The following SNX10 variants were observed in gnomAD, a reference collection of about 807,000 sequenced individuals.
SNX10 encodes sorting nexin-10.
A neutral mutation model predicts 28.5 loss-of-function variants in SNX10; 25 were observed. That is an observed-to-expected ratio of 0.88 (90% CI 0.64 to 1.22). SNX10 has a LOEUF of 1.22. SNX10 is among the 50% of genes most tolerant of loss of function. The pLI, the probability that SNX10 is intolerant of heterozygous loss-of-function variation, is 0.00. For missense variants in SNX10, 223 were observed against 242.6 expected (o/e 0.92, Z 0.54); for synonymous variants, 62 against 81.4 (o/e 0.76, Z 1.28).
chr7:26,310,442 GATAAATA>G (rs1425345682), intron 1 of SNX10, among the ~76,000 whole-genome samples: 1 of 152,168 alleles, frequency 6.6e-6, no homozygotes, highest in South Asian at 2.1e-4. Context: ...TAGATTAATA[GATAAATA>G]ATAAATTAAT....
intron 1 of SNX10, among the ~76,000 whole-genome samples, chr7:26,336,785 A>G (rs1458943966): frequency 1.3e-5 from 2 of 152,224 alleles, no homozygotes; most frequent in Non-Finnish European, 2.9e-5. Context: ...TATAATGGCT[A>G]TGAGGTAGTC....
In SNX10 at chr7:26,373,117, A is replaced by T. The variant is rs1789639044; in HGVS notation, c.*545A>T. The T allele has an allele frequency of 6.6e-6, 1 of 152,210 alleles. No individual in the cohort carries two copies. Among genetic ancestry groups the T allele is most frequent in the African/African-American group, 2.4e-5 (1 of 41,446 alleles). The allele number at this position is 152,210 out of a possible 1,614,324, so 9.4% of individuals were successfully genotyped here. On this transcript the variant is annotated 3_prime_UTR_variant, in exon 7 of 7. Coordinates refer to ENST00000338523, the MANE Select transcript of SNX10 (RefSeq NM_013322.3). This position sits in a 1 kb window ranked among gnomAD's most constrained non-coding sequence, Gnocchi z 4.2. ...GACTGAAATATTTTAAGAGTATTTAACCTTTCCAGTATTCTGTTTCACGCT... is the reference window on the plus strand; with the variant it reads ...GACTGAAATATTTTAAGAGTATTTATCCTTTCCAGTATTCTGTTTCACGCT...
At chr7:26,371,214 T>C (rs1789517473) in intron 5 of SNX10, among the ~76,000 whole-genome samples, 1 of 152,136 alleles carries the variant, frequency 6.6e-6, no homozygotes, top group South Asian at 2.1e-4. Flanking sequence ...ATTTGGTTGC[T>C]CATTTTGACA....
At chr7:26,325,502 C>T (rs187679995) in intron 1 of SNX10, among the ~76,000 whole-genome samples, 12 of 149,592 alleles carry the variant, frequency 8.0e-5, no homozygotes, top group Admixed American at 4.7e-4. Flanking sequence ...TTGGTTGTGA[C>T]GGGGTTTCAC....
At chr7:26,363,030 T>C (rs192321101) in intron 3 of SNX10, among the ~76,000 whole-genome samples, 4 of 152,240 alleles carry the variant, frequency 2.6e-5, no homozygotes, top group Admixed American at 2.6e-4. Context: ...TGGGATTCTT[T>C]AGGGAGAGGG....
At chr7:26,354,345 A>G (rs1788733918) in intron 2 of SNX10, among the ~76,000 whole-genome samples, 1 of 152,098 alleles carries the variant, frequency 6.6e-6, no homozygotes, top group Non-Finnish European at 1.5e-5. Flanking sequence ...TTTTTTAAAT[A>G]AGAGTAAGTG....
chr7:26,364,221 G>T lies in SNX10; in HGVS notation c.112-314G>T. On this transcript the variant is annotated intron_variant, in intron 3 of 6. Coordinates refer to ENST00000338523, the MANE Select transcript of SNX10 (RefSeq NM_013322.3). This position sits in a 1 kb window ranked among gnomAD's most constrained non-coding sequence, Gnocchi z 4.9. Reference sequence around the variant, plus strand: ...CTCCTACCTGTCATTTATATGTTAGGATTTATTTTTTATGATTTATTCTTG... The same window carrying T: ...CTCCTACCTGTCATTTATATGTTAGTATTTATTTTTTATGATTTATTCTTG... 3.5e-6 allele frequency: 2 copies of T among 576,782 alleles called. No homozygotes were observed. Among genetic ancestry groups the T allele is most frequent in the South Asian group, 1.5e-4 (2 of 12,926 alleles). 35.7% of individuals were successfully genotyped at this position (576,782 alleles called of 1,614,324 possible).
chr7:26,369,100 T>C (rs916063826), intron 5 of SNX10, among the ~76,000 whole-genome samples: 1 of 152,196 alleles, frequency 6.6e-6, no homozygotes, highest in Non-Finnish European at 1.5e-5. Flanking sequence ...TAACTTCTGA[T>C]TTGCACTATA....
intron 2 of SNX10, among the ~76,000 whole-genome samples, chr7:26,349,536 C>T (rs1788517487): frequency 6.6e-6 from 1 of 152,064 alleles, no homozygotes; most frequent in Non-Finnish European, 1.5e-5. Flanking sequence ...TGGATCTTCT[C>T]CATAAAAAGG....
chr7:26,338,472 C>G (rs1788032266), intron 1 of SNX10, among the ~76,000 whole-genome samples: 1 of 151,034 alleles, frequency 6.6e-6, no homozygotes, highest in Admixed American at 6.6e-5. Context: ...GTTGCCCAGG[C>G]CTGGAGTGCA....
At chr7:26,323,991 C>A (rs1194497297) in intron 1 of SNX10, among the ~76,000 whole-genome samples, 1 of 152,098 alleles carries the variant, frequency 6.6e-6, no homozygotes, top group Non-Finnish European at 1.5e-5. Context: ...TGTAAAATTT[C>A]CTCCTAATAG....
At position 26,339,233 on chromosome 7, in the gene SNX10, T is replaced by C. The variant is rs544695943; in HGVS notation, c.-23-7187T>C. Among the ~76,000 whole-genome samples, 9 of 152,302 alleles carry C rather than the reference T, an allele frequency of 5.9e-5. No individual in the cohort carries two copies. The East Asian group carries it at 1.7e-3, about 29-fold the overall frequency. On this transcript the variant is annotated intron_variant, in intron 1 of 6. Coordinates refer to ENST00000338523, the MANE Select transcript of SNX10 (RefSeq NM_013322.3). ...GCAAGATGGAGTCGGTTAGGTCTGA[T>C]TTCTTTCACTGCCATAATTTCCTCA...
intron 1 of SNX10, among the ~76,000 whole-genome samples, chr7:26,297,418 T>G (rs1441607937): frequency 6.6e-6 from 1 of 152,160 alleles, no homozygotes; most frequent in African/African-American, 2.4e-5. Context: ...AGAAATAACT[T>G]TGGTGTAGGA....
chr7:26,327,660 AT>A (rs1269204400), intron 1 of SNX10, among the ~76,000 whole-genome samples: 3 of 145,818 alleles, frequency 2.1e-5, no homozygotes, highest in Non-Finnish European at 3.0e-5. Context: ...GCACATAAAA[AT>A]TTTTTTGGTT....
chr7:26,358,339 T>C (rs1788906868), intron 2 of SNX10, among the ~76,000 whole-genome samples: 1 of 152,214 alleles, frequency 6.6e-6, no homozygotes, highest in South Asian at 2.1e-4. Context: ...ATATTATGGA[T>C]ATTTGGTTTA....
chr7:26,346,638 C>T (rs1321785140), intron 2 of SNX10, among the ~76,000 whole-genome samples, 172 bp downstream of exon 2: 1 of 152,186 alleles, frequency 6.6e-6, no homozygotes, highest in African/African-American at 2.4e-5. Flanking sequence ...CCTGCATAGC[C>T]TTCATTTTGG....
chr7:26,313,456 A>G (rs149401782), intron 1 of SNX10, among the ~76,000 whole-genome samples: 1 of 152,086 alleles, frequency 6.6e-6, no homozygotes, highest in East Asian at 1.9e-4. Context: ...TGCTTAACTG[A>G]GCTTTTTGTG....
intron 2 of SNX10, among the ~76,000 whole-genome samples, chr7:26,349,978 T>A (rs532364714): frequency 1.2e-4 from 19 of 152,184 alleles, no homozygotes; most frequent in Non-Finnish European, 2.6e-4. Flanking sequence ...CTGGGCTCTT[T>A]CCTTGGCACA....
intron 1 of SNX10, among the ~76,000 whole-genome samples, chr7:26,341,483 A>G (rs1291196664): frequency 7.3e-6 from 1 of 136,278 alleles, no homozygotes; most frequent in Non-Finnish European, 1.6e-5. Flanking sequence ...CAGTGAGACA[A>G]GAATTCTCTA....
Sources: gnomAD v4.1 joint callset for allele counts (sites outside exome capture counted in the v4.1 genomes callset) on GRCh38, gnomAD v4.1.1 for gene constraint, Gnocchi (gnomAD v3.1) non-coding constraint, MANE v1.5 for transcripts, NCBI Gene and HGNC (gene_info 2026-07-23, HGNC 2026-07-21) for gene names.